Variants in HMBOX1 observed in about 807,000 individuals in gnomAD.
The protein encoded by HMBOX1 is homeobox containing 1.
A neutral mutation model predicts 54.5 loss-of-function variants in HMBOX1; 14 were observed. The observed-to-expected ratio is 0.26, with a 90% CI of 0.17 to 0.40. The LOEUF is 0.40. Ranked by LOEUF, HMBOX1 falls within the 10% of genes least tolerant of loss-of-function variation. The pLI is 1.00. For missense variants in HMBOX1, 332 were observed against 514.4 expected, an observed-to-expected ratio of 0.65 and a Z score of 3.43; for synonymous variants, 160 against 181.0, an observed-to-expected ratio of 0.88 and a Z score of 0.93.
chr8:28,965,542 T>C (rs1826288719), intron 2 of HMBOX1, among the ~76,000 whole-genome samples: 1 of 152,204 alleles, frequency 6.6e-6, no homozygotes, highest in Non-Finnish European at 1.5e-5. Context: ...GGCCTCTGTG[T>C]TCAAGTGAAG....
intron 6 of HMBOX1, among the ~76,000 whole-genome samples, chr8:29,031,201 C>G (rs1802910217): frequency 6.6e-6 from 1 of 152,142 alleles, no homozygotes; most frequent in Non-Finnish European, 1.5e-5. Flanking sequence ...TATCTCATAT[C>G]AAAGAGCCCA....
chr8:28,929,132 C>T (rs892971455), intron 1 of HMBOX1, among the ~76,000 whole-genome samples: 2 of 152,108 alleles, frequency 1.3e-5, no homozygotes, highest in African/African-American at 4.8e-5. Context: ...TTCTATTTGT[C>T]TCTTATGCCC....
At chr8:28,898,463 T>G (rs1054179799) in intron 1 of HMBOX1, among the ~76,000 whole-genome samples, 3 of 152,222 alleles carry the variant, frequency 2.0e-5, no homozygotes, top group African/African-American at 7.2e-5. Flanking sequence ...ATCATTTGGC[T>G]TCAAGGACAG....
intron 1 of HMBOX1, among the ~76,000 whole-genome samples, chr8:28,931,740 T>G (rs956463654): frequency 2.0e-5 from 3 of 152,140 alleles, no homozygotes; most frequent in Admixed American, 2.0e-4. Flanking sequence ...GGGACCTCCC[T>G]ATGTTGCCCA....
At chr8:28,946,498 A>G (rs1308665949) in intron 1 of HMBOX1, among the ~76,000 whole-genome samples, 1 of 151,896 alleles carries the variant, frequency 6.6e-6, no homozygotes, top group East Asian at 2.0e-4. Flanking sequence ...TGAACCCGGG[A>G]GGTGGATGTT....
At chr8:28,897,465 A>G (rs925133769) in intron 1 of HMBOX1, among the ~76,000 whole-genome samples, 7 of 152,142 alleles carry the variant, frequency 4.6e-5, no homozygotes, top group African/African-American at 1.7e-4. Flanking sequence ...TCATGAGGTC[A>G]GGAGTTCAAG....
intron 7 of HMBOX1, 56 bp from the exon 8 acceptor site, chr8:29,047,301 AG>A: frequency 1.0e-6 from 1 of 986,054 alleles, no homozygotes; most frequent in Non-Finnish European, 1.6e-6. Context: ...CCTTAAAACT[AG>A]TTTATTCTTG....
At chr8:29,008,941 T>A in intron 4 of HMBOX1, 131 bp from the exon 5 acceptor site, 2 of 605,282 alleles carry the variant, frequency 3.3e-6, no homozygotes, top group Non-Finnish European at 6.0e-6. Context: ...AATAATAGTT[T>A]GCTCAGGTTG....
At chr8:28,897,846 T>G (rs1481964017) in intron 1 of HMBOX1, among the ~76,000 whole-genome samples, 1 of 152,236 alleles carries the variant, frequency 6.6e-6, no homozygotes, top group Non-Finnish European at 1.5e-5. Context: ...ATTAATTGAT[T>G]GTCAGCATAT....
At chr8:28,898,150 T>C (rs933401192) in intron 1 of HMBOX1, among the ~76,000 whole-genome samples, 1 of 149,984 alleles carries the variant, frequency 6.7e-6, no homozygotes, top group Non-Finnish European at 1.5e-5. Context: ...TATTTTCAAA[T>C]GTATTAACAA....
In HMBOX1 at chr8:29,024,787, T is replaced by C. The variant is rs116911633; in HGVS notation, c.851+5874T>C. Among the ~76,000 whole-genome samples, 1,475 of 152,310 alleles carry C rather than the reference T, an allele frequency of 9.7e-3. 15 individuals carry two copies. The highest frequency in any genetic ancestry group is 0.024 in the Middle Eastern group (7 of 294). On this transcript the variant is annotated intron_variant, in intron 6 of 9. Transcript: ENST00000287701. ...AGAGAAAGGAAGTGACTAACCCATATGCAAATGGATTAGAGCAGGGGTCCC... is the reference window on the plus strand; with the variant it reads ...AGAGAAAGGAAGTGACTAACCCATACGCAAATGGATTAGAGCAGGGGTCCC...
At chr8:28,982,491 A>T (rs1829508533) in intron 4 of HMBOX1, among the ~76,000 whole-genome samples, 1 of 151,932 alleles carries the variant, frequency 6.6e-6, no homozygotes, top group South Asian at 2.1e-4. Context: ...TCTGTTCCCG[A>T]GGCTGGAGTG....
At chr8:28,961,725 T>C (rs1027593822) in intron 1 of HMBOX1, among the ~76,000 whole-genome samples, 2 of 152,124 alleles carry the variant, frequency 1.3e-5, no homozygotes, top group African/African-American at 4.8e-5. Flanking sequence ...CATATGGTAA[T>C]TCTGTATTTA....
chr8:28,990,051 C>T (rs1039430353), intron 4 of HMBOX1, among the ~76,000 whole-genome samples: 1 of 152,118 alleles, frequency 6.6e-6, no homozygotes, highest in Admixed American at 6.5e-5. Flanking sequence ...TGTGAACTTG[C>T]TTAACTCATT....
intron 6 of HMBOX1, among the ~76,000 whole-genome samples, chr8:29,027,487 A>G (rs1028631210): frequency 3.9e-5 from 6 of 152,200 alleles, no homozygotes; most frequent in Non-Finnish European, 7.4e-5. Context: ...CTTTGGAAAC[A>G]GGTGTGTCTC....
At chr8:28,968,492 T>C (rs537462242) in intron 2 of HMBOX1, among the ~76,000 whole-genome samples, 13 of 152,350 alleles carry the variant, frequency 8.5e-5, no homozygotes, top group African/African-American at 2.6e-4. Context: ...AAAACTACAC[T>C]GAGCTTTAGT....
chr8:28,985,284 C>T (rs1012118509), intron 4 of HMBOX1, among the ~76,000 whole-genome samples: 10 of 152,182 alleles, frequency 6.6e-5, no homozygotes, highest in Non-Finnish European at 1.2e-4. Context: ...TGTGTTCTCA[C>T]GTAGTGGCAG....
In HMBOX1 at chr8:28,914,169, G is replaced by A. The variant is rs927135762; in HGVS notation, c.-58+23491G>A. Among the ~76,000 whole-genome samples the A allele has an allele frequency of 3.9e-5, 6 of 152,202 alleles. No homozygotes were observed. The South Asian group carries it at 8.3e-4, about 21-fold the overall frequency. On this transcript the variant is annotated intron_variant, in intron 1 of 9. Coordinates refer to ENST00000287701, the MANE Select transcript of HMBOX1 (RefSeq NM_001135726.3). The stretch of plus-strand genomic sequence containing the variant: ...AGGCGTGAGCTACCGTGCCTGGCCT[G>A]ATCTGTTTTAAAAAGAGATAGCCTC...
At chr8:28,964,160 AAATT>A (rs1302543335) in intron 2 of HMBOX1, among the ~76,000 whole-genome samples, 2 of 152,070 alleles carry the variant, frequency 1.3e-5, no homozygotes, top group Non-Finnish European at 2.9e-5. Flanking sequence ...ATTGAATATA[AAATT>A]AATTATTATT....
Sources: allele counts gnomAD v4.1 joint callset (sites outside exome capture counted in the v4.1 genomes callset), GRCh38; gene constraint gnomAD v4.1.1; transcripts MANE v1.5; gene names NCBI Gene and HGNC (gene_info 2026-07-23, HGNC 2026-07-21).